The following MOG variants were observed in gnomAD, a reference collection of about 807,000 sequenced individuals.
MOG encodes the protein myelin oligodendrocyte glycoprotein.
A neutral mutation model predicts 35.9 loss-of-function variants in MOG; 20 were observed. That is an observed-to-expected ratio of 0.56 (90% CI 0.39 to 0.81). MOG has a LOEUF of 0.81. Ranked by LOEUF, MOG falls within the 30% of genes least tolerant of loss-of-function variation. MOG has a pLI of 0.00. For synonymous variants in MOG, 92 were observed against 114.3 expected, an observed-to-expected ratio of 0.80 and a Z score of 1.25; for missense variants, 251 against 301.0, an observed-to-expected ratio of 0.83 and a Z score of 1.23.
At chr6:29,661,838 A>C in intron 2 of MOG, 4 of 904,374 alleles carry the variant, frequency 4.4e-6, no homozygotes, top group Non-Finnish European at 5.3e-6. Flanking sequence ...AAAAAAAAAA[A>C]CAAGGAAGAC....
Position 29,670,486 on chromosome 6 carries a change from A to T in MOG, c.709+89A>T. ...GAAGCCAAAAGAGAATAGAACCAGGACTCAAGATTAGGGGAGCTGGGATTT... is the reference window on the plus strand; with the variant it reads ...GAAGCCAAAAGAGAATAGAACCAGGTCTCAAGATTAGGGGAGCTGGGATTT... On this transcript the variant is annotated intron_variant, in intron 6 of 7. Transcript: ENST00000376917. The surrounding 1 kb of genome is among the most constrained non-coding windows in gnomAD (Gnocchi z 4.2). 6.6e-7 allele frequency: 1 copy of T among 1,508,484 alleles called. No individual in the cohort carries two copies. The highest frequency in any genetic ancestry group is 9.2e-7 in the Non-Finnish European group (1 of 1,086,690). The allele number at this position is 1,508,484 out of a possible 1,614,324, so 93.4% of individuals were successfully genotyped here.
chr6:29,665,593 C>T (rs1325969529), intron 2 of MOG, among the ~76,000 whole-genome samples: 1 of 148,666 alleles, frequency 6.7e-6, no homozygotes, highest in Non-Finnish European at 1.5e-5. Flanking sequence ...AGTTCAGGTT[C>T]ATGTTGTTTT....
At position 29,670,787 on chromosome 6, in the gene MOG, A is replaced by G. The variant is rs1352426124; in HGVS notation, c.730+66A>G. On this transcript the variant is annotated intron_variant, in intron 7 of 7. Transcript: ENST00000376917. This position sits in a 1 kb window ranked among gnomAD's most constrained non-coding sequence, Gnocchi z 4.2. ...CCAGGAAAGGGAGACAGAAGCAACAAGAGGAAGAGGCGGGCTATTGAGGGA... is the reference window on the plus strand; with the variant it reads ...CCAGGAAAGGGAGACAGAAGCAACAGGAGGAAGAGGCGGGCTATTGAGGGA... The G allele has an allele frequency of 6.2e-7, 1 of 1,601,150 alleles. No individual in the cohort carries two copies. The highest frequency in any genetic ancestry group is 1.7e-5 in the Admixed American group (1 of 57,866).
intron 5 of MOG, among the ~76,000 whole-genome samples, chr6:29,669,359 C>T (rs191303011): frequency 1.3e-5 from 2 of 151,824 alleles, no homozygotes; most frequent in Admixed American, 1.3e-4. Context: ...GGCACAATCT[C>T]GGCTCACTGC....
Position 29,659,444 on chromosome 6 carries a change from C to A in MOG, c.214C>A (p.Pro72Thr). 2 of 1,612,994 alleles carry A rather than the reference C, an allele frequency of 1.2e-6. No homozygotes were observed. The highest frequency in any genetic ancestry group is 8.5e-7 in the Non-Finnish European group (1 of 1,180,012). The change falls in exon 2 of 8, where the codon CCC (proline) becomes ACC (threonine). Residue 72 changes from proline to threonine, a missense_variant. Coordinates refer to ENST00000376917, the MANE Select transcript of MOG (RefSeq NM_206809.4). ...CATGGAGGTGGGGTGGTACCGCCCCCCCTTCTCTAGGGTGGTTCATCTCTA... is the reference window on the plus strand; with the variant it reads ...CATGGAGGTGGGGTGGTACCGCCCCACCTTCTCTAGGGTGGTTCATCTCTA... ...TGMEVGWYRPPFSRVVHLYRN... is the reference protein window; with the variant it reads ...TGMEVGWYRPTFSRVVHLYRN...
In MOG at chr6:29,661,723, G is replaced by A. The variant is rs556951163; in HGVS notation, c.436+2057G>A. ...TAATCCCAGCTGGGAGGCTGAGGCA[G>A]GAGAATCGCTTGAACCCCGGAGGCG... is the stretch of plus-strand genomic sequence containing the variant. On this transcript the variant is annotated intron_variant, in intron 2 of 7. Coordinates refer to ENST00000376917, the MANE Select transcript of MOG (RefSeq NM_206809.4). The A allele has an allele frequency of 3.8e-3, 3,466 of 907,032 alleles. 10 individuals are homozygous for A. Among genetic ancestry groups the A allele is most frequent in the Non-Finnish European group, 4.3e-3 (3,233 of 759,766 alleles). 56.2% of individuals were successfully genotyped at this position (907,032 alleles called of 1,614,324 possible). A position where few individuals can be genotyped will look rare whatever the true frequency, so the allele number is the denominator to read the frequency against.
Position 29,670,975 on chromosome 6 carries a change from C to T in MOG, c.731-197C>T. 6.2e-7 allele frequency: 1 copy of T among 1,611,832 alleles called. No individual in the cohort carries two copies. The highest frequency in any genetic ancestry group is 1.3e-5 in the African/African-American group (1 of 74,652). On this transcript the variant is annotated intron_variant, in intron 7 of 7. Transcript: ENST00000376917. The surrounding 1 kb of genome is among the most constrained non-coding windows in gnomAD (Gnocchi z 4.2). ...ACCTGATCCATTCCTCCTTCACTGC[C>T]CCTAAGCAGGAATCCAACCCTAGCT...
At chr6:29,664,282 A>G (rs1769662634) in intron 2 of MOG, among the ~76,000 whole-genome samples, 1 of 150,774 alleles carries the variant, frequency 6.6e-6, no homozygotes, top group Non-Finnish European at 1.5e-5. Flanking sequence ...ATCTCGGCTC[A>G]CTGCACCCTC....
At position 29,657,219 on chromosome 6, in the gene MOG, T is replaced by G; in HGVS notation, c.10T>G (p.Leu4Val). The change falls in exon 1 of 8, where the codon TTA (leucine) becomes GTA (valine). Residue 4 changes from leucine to valine, a missense_variant. Leu to Val is a conservative substitution (Grantham distance 32, BLOSUM62 1). Coordinates refer to ENST00000376917, the MANE Select transcript of MOG (RefSeq NM_206809.4). ...CCCAGGAACAGTAGAGATGGCAAGC[T>G]TATCAAGACCCTCTCTGCCCAGCTG... MASLSRPSLPSCLC... is the reference protein window; with the variant it reads MASVSRPSLPSCLC... 1 of 1,610,810 alleles carries G rather than the reference T, an allele frequency of 6.2e-7. No individual in the cohort carries two copies. The highest frequency in any genetic ancestry group is 8.5e-7 in the Non-Finnish European group (1 of 1,178,378).
chr6:29,659,335 A>G lies in MOG; in HGVS notation c.105A>G (p.Ile35Met). ...SSSYAGQFRV[I>M]GPRHPIRALV... ...CTTGGACAGGGCAGTTCAGAGTGAT[A>G]GGACCAAGACACCCTATCCGGGCTC... Residue 35 changes from isoleucine (I) to methionine (M), a missense_variant, in exon 2 of 8, where the codon ATA (isoleucine) becomes ATG (methionine). Transcript: ENST00000376917. The G allele has an allele frequency of 6.2e-7, 1 of 1,612,906 alleles. No individual in the cohort carries two copies. Among genetic ancestry groups the G allele is most frequent in the Non-Finnish European group, 8.5e-7 (1 of 1,179,964 alleles).
chr6:29,659,986 A>G (rs2535263), intron 2 of MOG: 2 of 444,336 alleles, frequency 4.5e-6, no homozygotes, highest in African/African-American at 2.0e-5. Context: ...GAGGCCTTCT[A>G]TAAGGTATTA....
chr6:29,659,583 G>A lies in MOG; in HGVS notation c.353G>A (p.Arg118Lys). Reference sequence around the variant, plus strand: ...GTGACTCTCAGGATCCGGAATGTAAGGTTCTCAGATGAAGGAGGTTTCACC... The same window carrying A: ...GTGACTCTCAGGATCCGGAATGTAAAGTTCTCAGATGAAGGAGGTTTCACC... Reference protein sequence around the residue: ...GKVTLRIRNVRFSDEGGFTCF... With the variant: ...GKVTLRIRNVKFSDEGGFTCF... Residue 118 changes from arginine to lysine, a missense_variant, in exon 2 of 8, where the codon AGG becomes AAG. Physicochemically the swap from Arg to Lys is conservative, Grantham distance 26. Coordinates refer to ENST00000376917, the MANE Select transcript of MOG (RefSeq NM_206809.4). 1.2e-6 allele frequency: 2 copies of A among 1,613,070 alleles called. No homozygotes were observed. The highest frequency in any genetic ancestry group is 8.5e-7 in the Non-Finnish European group (1 of 1,180,042).
intron 1 of MOG, among the ~76,000 whole-genome samples, chr6:29,658,026 A>G (rs2535266): frequency 6.6e-6 from 1 of 152,140 alleles, no homozygotes; most frequent in Admixed American, 6.5e-5. Flanking sequence ...TTCACCTCTC[A>G]AATTGAGATA....
intron 3 of MOG, among the ~76,000 whole-genome samples, 181 bp from the exon 4 acceptor site, chr6:29,667,461 CT>C (rs1770464622): frequency 6.6e-6 from 1 of 152,088 alleles, no homozygotes; most frequent in Admixed American, 6.6e-5. Flanking sequence ...TGTATCTAGA[CT>C]ATAGCTAGAG....
intron 3 of MOG, 65 bp from the exon 4 acceptor site, chr6:29,667,578 G>T (rs1466068934): frequency 1.3e-6 from 2 of 1,576,510 alleles, no homozygotes; most frequent in East Asian, 2.2e-5. Flanking sequence ...GGCGCTGGGT[G>T]TGGGAGGGTC....
intron 2 of MOG, 133 bp downstream of exon 2, chr6:29,659,799 A>G (rs1203201685): frequency 1.2e-5 from 9 of 766,870 alleles, no homozygotes; most frequent in Non-Finnish European, 2.0e-5. Context: ...GTACACATCA[A>G]TAAACAGAAA....
intron 2 of MOG, among the ~76,000 whole-genome samples, chr6:29,660,435 G>T (rs1455795923): frequency 6.7e-6 from 1 of 150,208 alleles, no homozygotes; most frequent in African/African-American, 2.5e-5. Context: ...GGAGGCTGAG[G>T]CAGGAGAATG....
At chr6:29,663,844 A>G (rs1342265665) in intron 2 of MOG, 5 of 527,850 alleles carry the variant, frequency 9.5e-6, no homozygotes, top group South Asian at 8.4e-5. Context: ...AGGGAACACA[A>G]TGATAGACAG....
At position 29,670,820 on chromosome 6, in the gene MOG, C is replaced by T; in HGVS notation, c.730+99C>T. ...AGGCGGGCTATTGAGGGATCACATTCCCAGAGGAAAGGAGGAGCTGGAGAG... is the reference window on the plus strand; with the variant it reads ...AGGCGGGCTATTGAGGGATCACATTTCCAGAGGAAAGGAGGAGCTGGAGAG... On this transcript the variant is annotated intron_variant, in intron 7 of 7. Coordinates refer to ENST00000376917, the MANE Select transcript of MOG (RefSeq NM_206809.4). This position sits in a 1 kb window ranked among gnomAD's most constrained non-coding sequence, Gnocchi z 4.2. 6.3e-7 allele frequency: 1 copy of T among 1,585,600 alleles called. No homozygotes were observed. Among genetic ancestry groups the T allele is most frequent in the East Asian group, 2.3e-5 (1 of 44,232 alleles).
Sources: allele counts gnomAD v4.1 joint callset (sites outside exome capture counted in the v4.1 genomes callset), GRCh38; gene constraint gnomAD v4.1.1; non-coding constraint Gnocchi (gnomAD v3.1); transcripts MANE v1.5; gene names NCBI Gene and HGNC (gene_info 2026-07-23, HGNC 2026-07-21).